CFAP77: variants seen among roughly 807,000 people sequenced by gnomAD.
The protein encoded by CFAP77 is cilia and flagella associated protein 77, also known as cilia- and flagella-associated protein 77.
A neutral mutation model predicts 31.1 loss-of-function variants in CFAP77; 25 were observed. The ratio of observed to expected loss-of-function variants is 0.80; its 90% CI spans 0.59 to 1.12. CFAP77 has a LOEUF of 1.12. CFAP77 is among the 50% of genes most tolerant of loss of function. CFAP77 has a pLI of 0.00. For synonymous variants in CFAP77, 151 were observed against 159.9 expected (o/e 0.94, Z 0.42); for missense variants, 377 against 397.3 (o/e 0.95, Z 0.44).
At chr9:132,559,361 A>AAAAAAAAAAAAAAAAAAAT (rs1852959195) in intron 5 of CFAP77, among the ~76,000 whole-genome samples, 1 of 150,496 alleles carries the variant, frequency 6.6e-6, no homozygotes, top group Non-Finnish European at 1.5e-5. Flanking sequence ...AAAAAAAAAA[A>AAAAAAAAAAAAAAAAAAAT]AAAAAGGCAA....
intron 1 of CFAP77, among the ~76,000 whole-genome samples, chr9:132,426,808 AT>A (rs1047968853): frequency 6.6e-6 from 1 of 152,156 alleles, no homozygotes; most frequent in African/African-American, 2.4e-5. Flanking sequence ...TAAAGCAAAT[AT>A]TGACTCACCA....
rs572629720 is a variant in CFAP77, at chr9:132,541,556, T to C, written c.631-1390T>C. The stretch of plus-strand genomic sequence containing the variant: ...CTGGCCAACACGGCAAAACCCTGTC[T>C]TTACTAAAAACACAAAAATTAGCTG... On this transcript the variant is annotated intron_variant, in intron 4 of 5. Coordinates refer to ENST00000393216, the MANE Select transcript of CFAP77 (RefSeq NM_001282957.2). Among the ~76,000 whole-genome samples the C allele has an allele frequency of 3.9e-5, 6 of 152,256 alleles. No individual in the cohort carries two copies. In the South Asian group the frequency reaches 1.0e-3, roughly 26 times the overall value.
chr9:132,505,962 A>G (rs1851924778), intron 3 of CFAP77, among the ~76,000 whole-genome samples: 1 of 152,214 alleles, frequency 6.6e-6, no homozygotes, highest in South Asian at 2.1e-4. Context: ...TAAACGTGGC[A>G]GGCATTTTGC....
intron 5 of CFAP77, among the ~76,000 whole-genome samples, chr9:132,551,375 T>C (rs1177594611): frequency 6.6e-6 from 1 of 152,052 alleles, no homozygotes; most frequent in Non-Finnish European, 1.5e-5. Flanking sequence ...TTTGGCTCAC[T>C]GCATCCACCT....
rs112247278 is a variant in CFAP77, at chr9:132,495,184, ATT to A, written c.196-3500_196-3499del. 4.4e-3 allele frequency among the ~76,000 whole-genome samples: 656 copies of A among 147,566 alleles called. 6 individuals are homozygous for A. The highest frequency in any genetic ancestry group is 0.012 in the African/African-American group (469 of 40,498). On this transcript the variant is annotated intron_variant, in intron 1 of 5. Transcript: ENST00000393216. The surrounding 1 kb of genome is among the most constrained non-coding windows in gnomAD (Gnocchi z 4.2). ...AAGTATGAGCAAACCTCCCATTGGG[ATT>A]TTTTTTTTTTGTAGTCTAAAGCTTC...
At chr9:132,458,343 G>GTGGC (rs71791194) in intron 1 of CFAP77, among the ~76,000 whole-genome samples, 1 of 102,636 alleles carries the variant, frequency 9.7e-6, no homozygotes, top group East Asian at 3.0e-4. Flanking sequence ...TCTCCCTGGC[G>GTGGC]GGGGAGGGGG....
At chr9:132,531,045 T>C (rs1852437784) in intron 3 of CFAP77, among the ~76,000 whole-genome samples, 1 of 152,226 alleles carries the variant, frequency 6.6e-6, no homozygotes, top group African/African-American at 2.4e-5. Flanking sequence ...TTGAAAAGAC[T>C]ATCCTTCCTC....
intron 1 of CFAP77, among the ~76,000 whole-genome samples, chr9:132,470,682 G>A (rs188473740): frequency 6.6e-6 from 1 of 152,368 alleles, no homozygotes. Context: ...CGCAGGCTCT[G>A]GGCATGTCTG....
intron 1 of CFAP77, among the ~76,000 whole-genome samples, chr9:132,416,295 T>TGATATGCTATAACTGTG (rs1451919682): frequency 4.6e-5 from 7 of 151,550 alleles, no homozygotes; most frequent in African/African-American, 1.2e-4. Context: ...CTATAACTGT[T>TGATATGCTATAACTGTG]GATATGCTAT....
At position 132,500,433 on chromosome 9, in the gene CFAP77, C is replaced by T. The variant is rs367690434; in HGVS notation, c.524+833C>T. 7.2e-5 allele frequency among the ~76,000 whole-genome samples: 11 copies of T among 152,308 alleles called. No homozygotes were observed. The East Asian group carries it at 7.7e-4, about 11-fold the overall frequency. ...CACAGGGCCTGGCCTACAAAGGGCA[C>T]TCAACAAGTATTAGCTACTGTTCAT... On this transcript the variant is annotated intron_variant, in intron 3 of 5. Coordinates refer to ENST00000393216, the MANE Select transcript of CFAP77 (RefSeq NM_001282957.2).
At chr9:132,433,377 T>C (rs1850446431) in intron 1 of CFAP77, among the ~76,000 whole-genome samples, 1 of 152,264 alleles carries the variant, frequency 6.6e-6, no homozygotes, top group East Asian at 1.9e-4. Context: ...TACCACACTC[T>C]GTGAGTCGTG....
intron 1 of CFAP77, among the ~76,000 whole-genome samples, chr9:132,425,912 G>A (rs1030112886): frequency 6.6e-6 from 1 of 152,132 alleles, no homozygotes. Flanking sequence ...CCTCTCCCTG[G>A]CAGCTTTTGC....
intron 3 of CFAP77, among the ~76,000 whole-genome samples, chr9:132,500,600 C>G (rs1347270333): frequency 6.6e-6 from 1 of 152,224 alleles, no homozygotes; most frequent in Non-Finnish European, 1.5e-5. Context: ...TGGACACACT[C>G]AAGCAACTAC....
intron 5 of CFAP77, among the ~76,000 whole-genome samples, chr9:132,548,665 C>T (rs1359169619): frequency 6.7e-6 from 1 of 149,612 alleles, no homozygotes; most frequent in Admixed American, 6.6e-5. Flanking sequence ...CTTGCCCAAG[C>T]ATCTGTTGGC....
intron 1 of CFAP77, among the ~76,000 whole-genome samples, chr9:132,449,898 T>TTTTGTTTG (rs372240867): frequency 1.1e-5 from 1 of 88,812 alleles, no homozygotes; most frequent in Non-Finnish European, 2.5e-5. Context: ...TTAAGAGTTT[T>TTTTGTTTG]TTTGTTTGTT....
chr9:132,507,868 C>T (rs1851960316), intron 3 of CFAP77, among the ~76,000 whole-genome samples: 1 of 151,984 alleles, frequency 6.6e-6, no homozygotes, highest in Non-Finnish European at 1.5e-5. Flanking sequence ...CGCAAAGATC[C>T]CCGGGCCTCA....
chr9:132,411,685 G>C (rs1056909976), intron 1 of CFAP77, among the ~76,000 whole-genome samples: 1 of 152,172 alleles, frequency 6.6e-6, no homozygotes, highest in African/African-American at 2.4e-5. Flanking sequence ...ATTATTCTTG[G>C]ATGAAGGAGA....
chr9:132,567,145 G>A (rs1829893704), intron 5 of CFAP77, among the ~76,000 whole-genome samples: 1 of 152,146 alleles, frequency 6.6e-6, no homozygotes, highest in Non-Finnish European at 1.5e-5. Context: ...GACACCACAG[G>A]TGACATGCGC....
intron 5 of CFAP77, among the ~76,000 whole-genome samples, chr9:132,558,589 C>T (rs1852940964): frequency 6.6e-6 from 1 of 152,010 alleles, no homozygotes; most frequent in Non-Finnish European, 1.5e-5. Flanking sequence ...CCTGTAATCC[C>T]AGCTACTCAG....
Sources: gnomAD v4.1 joint callset for allele counts (sites outside exome capture counted in the v4.1 genomes callset) on GRCh38, gnomAD v4.1.1 for gene constraint, Gnocchi (gnomAD v3.1) non-coding constraint, MANE v1.5 for transcripts, NCBI Gene and HGNC (gene_info 2026-07-23, HGNC 2026-07-21) for gene names.